Variants in ELP3 observed in about 807,000 individuals in gnomAD.
ELP3 encodes the protein elongator acetyltransferase complex subunit 3, also known as elongator complex protein 3.
ELP3 carries 56 observed loss-of-function variants against 74.9 expected under a neutral mutation model. The ratio of observed to expected loss-of-function variants is 0.75; its 90% CI spans 0.60 to 0.93. ELP3 has a LOEUF of 0.93. Among genes scored for constraint, ELP3 ranks in the 40% least tolerant of loss-of-function variants. The probability of loss-of-function intolerance (pLI) is 0.00; values close to 1 mark genes in which losing one functional copy is unlikely to be tolerated. For synonymous variants in ELP3, 222 were observed against 239.8 expected (o/e 0.93, Z 0.68); for missense variants, 573 against 686.5 (o/e 0.83, Z 1.85).
Position 28,107,948 on chromosome 8 carries a change from A to G in ELP3, c.365A>G (p.Tyr122Cys). The change falls in exon 5 of 15, where the codon TAT becomes TGT. Residue 122 changes from tyrosine (Y) to cysteine (C), a missense_variant. Coordinates refer to ENST00000256398, the MANE Select transcript of ELP3 (RefSeq NM_018091.6). ...CPGGPDSDFE[Y>C]STQSYTGYEP... ...GGTGGACCTGATTCTGATTTTGAGTATTCCACCCAGTCTTACACTGGCTAT... is the reference window on the plus strand; with the variant it reads ...GGTGGACCTGATTCTGATTTTGAGTGTTCCACCCAGTCTTACACTGGCTAT... 1 of 1,614,000 alleles carries G rather than the reference A, an allele frequency of 6.2e-7. No individual in the cohort carries two copies. Among genetic ancestry groups the G allele is most frequent in the Non-Finnish European group, 8.5e-7 (1 of 1,179,954 alleles).
intron 10 of ELP3, among the ~76,000 whole-genome samples, chr8:28,143,712 C>T (rs1048592404): frequency 2.6e-5 from 4 of 152,146 alleles, no homozygotes; most frequent in Non-Finnish European, 4.4e-5. Context: ...TTATCCTGGC[C>T]TCCACTACAG....
At chr8:28,120,746 T>C (rs1812335284) in intron 7 of ELP3, among the ~76,000 whole-genome samples, 1 of 152,210 alleles carries the variant, frequency 6.6e-6, no homozygotes, top group African/African-American at 2.4e-5. Context: ...GGATCAAGGT[T>C]CCTTTTTCCC....
chr8:28,142,669 A>G (rs1342779662), intron 10 of ELP3, among the ~76,000 whole-genome samples: 1 of 152,238 alleles, frequency 6.6e-6, no homozygotes, highest in Non-Finnish European at 1.5e-5. Flanking sequence ...AGTCATCCAG[A>G]GTCTAGCTGT....
chr8:28,145,534 G>T (rs1359691580), intron 10 of ELP3, among the ~76,000 whole-genome samples: 1 of 152,212 alleles, frequency 6.6e-6, no homozygotes, highest in Non-Finnish European at 1.5e-5. Flanking sequence ...CTCCATGGAG[G>T]TTCACCTAGT....
In ELP3 at chr8:28,189,648, G is replaced by A. The variant is rs755229486; in HGVS notation, c.1568-1G>A. The A allele has an allele frequency of 2.5e-6, 4 of 1,614,054 alleles. No homozygotes were observed. The highest frequency in any genetic ancestry group is 2.5e-6 in the Non-Finnish European group (3 of 1,179,946). On this transcript the variant is annotated splice_acceptor_variant, in intron 14 of 14. Transcript: ENST00000256398. LOFTEE classifies it high-confidence loss of function. ...CTTTTTTAACTTCGATTTTTCTGCA[G>A]GGGTCGGCACCAGGAATTATTATAG...
At chr8:28,188,701 A>G (rs1214441407) in intron 14 of ELP3, among the ~76,000 whole-genome samples, 3 of 152,194 alleles carry the variant, frequency 2.0e-5, no homozygotes, top group Non-Finnish European at 4.4e-5. Context: ...GTTCACTTGT[A>G]TCTTTTATCA....
intron 8 of ELP3, among the ~76,000 whole-genome samples, chr8:28,131,720 T>A (rs1292703453): frequency 6.6e-6 from 1 of 152,232 alleles, no homozygotes; most frequent in Non-Finnish European, 1.5e-5. Context: ...TGACTCTGCC[T>A]TCTCACTAAG....
At chr8:28,182,817 G>A (rs1278243018) in intron 14 of ELP3, among the ~76,000 whole-genome samples, 1 of 152,176 alleles carries the variant, frequency 6.6e-6, no homozygotes, top group East Asian at 1.9e-4. Flanking sequence ...AGAGGGACAT[G>A]GAATCAAAGC....
chr8:28,092,849 C>T (rs1011819268), upstream of ELP3: 10 of 256,316 alleles, frequency 3.9e-5, no homozygotes, highest in Middle Eastern at 2.9e-3. Context: ...AGAGACCATC[C>T]ACTTCCACCC....
In ELP3 at chr8:28,093,351, G is replaced by T. The variant is rs553401603; in HGVS notation, c.19+118G>T. ...ATCCGCTACCCAGTCCAGTCGCCCCGCCACCTAGGGTCAGTGTGTCCATTC... is the reference window on the plus strand; with the variant it reads ...ATCCGCTACCCAGTCCAGTCGCCCCTCCACCTAGGGTCAGTGTGTCCATTC... On this transcript the variant is annotated intron_variant, in intron 1 of 14. Transcript: ENST00000256398. 2.6e-5 allele frequency: 36 copies of T among 1,395,494 alleles called. No individual in the cohort carries two copies. The Admixed American group carries it at 7.7e-4, about 30-fold the overall frequency. 86.4% of individuals were successfully genotyped at this position (1,395,494 alleles called of 1,614,324 possible). A position where few individuals can be genotyped will look rare whatever the true frequency, so the allele number is the denominator to read the frequency against.
At chr8:28,118,818 G>C (rs2130421216) in intron 7 of ELP3, 1 of 152,316 alleles carries the variant, frequency 6.6e-6, no homozygotes, top group South Asian at 2.1e-4. Context: ...TAAAAAGTGA[G>C]TGAGTCATAC....
At chr8:28,150,598 C>T (rs1813604714) in intron 10 of ELP3, among the ~76,000 whole-genome samples, 1 of 152,030 alleles carries the variant, frequency 6.6e-6, no homozygotes. Context: ...TTATTTTTCT[C>T]TATACGTAAG....
At position 28,190,476 on chromosome 8, in the gene ELP3, A is replaced by C. The variant is rs1215150228; in HGVS notation, c.*751A>C. 1.3e-5 allele frequency: 2 copies of C among 151,976 alleles called. No homozygotes were observed. The highest frequency in any genetic ancestry group is 2.9e-5 in the Non-Finnish European group (2 of 68,054). 9.4% of individuals were successfully genotyped at this position (151,976 alleles called of 1,614,324 possible). A position where few individuals can be genotyped will look rare whatever the true frequency, so the allele number is the denominator to read the frequency against. On this transcript the variant is annotated 3_prime_UTR_variant, in exon 15 of 15. Coordinates refer to ENST00000256398, the MANE Select transcript of ELP3 (RefSeq NM_018091.6). ...GCAGCCCCAAGTGTGGTCCCCAGAG[A>C]GCGTTTGGCTTTCCTGTCTGTCTAT...
intron 6 of ELP3, 200 bp from the exon 7 acceptor site, chr8:28,112,819 C>T (rs1368679709): frequency 1.6e-5 from 6 of 385,476 alleles, no homozygotes; most frequent in East Asian, 3.9e-5. Context: ...CTCATTCTCC[C>T]TCCTTATTTG....
chr8:28,158,399 A>G (rs766490737), intron 11 of ELP3, among the ~76,000 whole-genome samples, 169 bp from the exon 12 acceptor site: 4 of 152,190 alleles, frequency 2.6e-5, no homozygotes, highest in Admixed American at 6.5e-5. Flanking sequence ...AGGTGGTTTT[A>G]TTTTGAAATT....
intron 14 of ELP3, among the ~76,000 whole-genome samples, chr8:28,181,064 T>C (rs1479869038): frequency 6.6e-6 from 1 of 152,064 alleles, no homozygotes; most frequent in Non-Finnish European, 1.5e-5. Flanking sequence ...ACACTTCTAC[T>C]CCCCTCTGGA....
rs541118155 is a variant in ELP3 at position 28,189,690 on chromosome 8, T to C, written c.1609T>C (p.Leu537=). ...RNYYRKIGYR[L]QGPYMVKMLK Reference sequence around the variant, plus strand: ...TTATTATAGAAAGATCGGCTACAGATTACAAGGCCCGTACATGGTGAAGAT... The same window carrying C: ...TTATTATAGAAAGATCGGCTACAGACTACAAGGCCCGTACATGGTGAAGAT... Residue 537 remains leucine (L), a synonymous_variant, in exon 15 of 15, where the codon TTA becomes CTA. Transcript: ENST00000256398. The C allele has an allele frequency of 6.2e-7, 1 of 1,614,102 alleles. No homozygotes were observed. Among genetic ancestry groups the C allele is most frequent in the South Asian group, 1.1e-5 (1 of 91,072 alleles).
intron 12 of ELP3, 120 bp from the exon 13 acceptor site, chr8:28,160,109 T>C: frequency 1.2e-6 from 1 of 857,640 alleles, no homozygotes; most frequent in Non-Finnish European, 1.8e-6. Flanking sequence ...GAAACATAAT[T>C]AGTGATTATT....
At chr8:28,154,826 A>G (rs1415690046) in intron 10 of ELP3, among the ~76,000 whole-genome samples, 1 of 152,182 alleles carries the variant, frequency 6.6e-6, no homozygotes, top group East Asian at 1.9e-4. Context: ...TCACTCTAAT[A>G]TATACATTTT....
Sources: gnomAD v4.1 joint callset for allele counts (sites outside exome capture counted in the v4.1 genomes callset) on GRCh38, gnomAD v4.1.1 for gene constraint, MANE v1.5 for transcripts, NCBI Gene and HGNC (gene_info 2026-07-23, HGNC 2026-07-21) for gene names.